Variants in SMCO4 observed in about 807,000 individuals in gnomAD.
The protein encoded by SMCO4 is single-pass membrane protein with coiled-coil domains 4, also known as single-pass membrane and coiled-coil domain-containing protein 4.
SMCO4 carries 4 observed loss-of-function variants against 3.6 expected under a neutral mutation model. The observed-to-expected ratio is 1.11, with a 90% confidence interval of 0.54 to 2.53. The LOEUF (loss-of-function observed/expected upper bound fraction) is 2.53. Among genes scored for constraint, SMCO4 ranks in the 30% most tolerant of loss-of-function variants. SMCO4 has a pLI of 0.02. For missense variants in SMCO4, 70 were observed against 80.8 expected (o/e 0.87, Z 0.51); for synonymous variants, 36 against 35.3 (o/e 1.02, Z -0.07).
rs115231142 is a variant in SMCO4 at position 93,483,273 on chromosome 11, C to T, written c.-80-4004G>A. Among the ~76,000 whole-genome samples the T allele has an allele frequency of 6.5e-3, 983 of 152,280 alleles. 11 individuals carry two copies. The highest frequency in any genetic ancestry group is 0.022 in the African/African-American group (900 of 41,556). On this transcript the variant is annotated intron_variant, in intron 2 of 2. Coordinates refer to ENST00000298966, the MANE Select transcript of SMCO4 (RefSeq NM_020179.3). ...GGAAAGGCCACCACAGAGCACTGTC[C>T]ATGCCCGCCTCCCTCTGGGCTAAGG...
intron 2 of SMCO4, among the ~76,000 whole-genome samples, chr11:93,487,273 A>G (rs1028390585): frequency 2.0e-5 from 3 of 152,146 alleles, no homozygotes; most frequent in Admixed American, 6.5e-5. Flanking sequence ...ATTGTGCAAG[A>G]TGGGACTCCG....
At chr11:93,525,976 A>G (rs546647678) in intron 1 of SMCO4, among the ~76,000 whole-genome samples, 6 of 152,342 alleles carry the variant, frequency 3.9e-5, no homozygotes, top group Admixed American at 3.9e-4. Flanking sequence ...AGTCCTGCCA[A>G]CAGTTTATCC....
chr11:93,534,646 T>C (rs1042983921), intron 1 of SMCO4, among the ~76,000 whole-genome samples: 2 of 152,192 alleles, frequency 1.3e-5, no homozygotes, highest in Non-Finnish European at 2.9e-5. Context: ...GGCTCAACTC[T>C]GCAGTCCCTT....
intron 2 of SMCO4, among the ~76,000 whole-genome samples, chr11:93,498,024 C>T (rs1948794954): frequency 6.6e-6 from 1 of 152,170 alleles, no homozygotes; most frequent in African/African-American, 2.4e-5. Context: ...TTTGCACACA[C>T]TTGCGAAGTC....
rs191161276 is a variant in SMCO4, at chr11:93,509,049, G to C, written c.-153-9701C>G. 8.0e-3 allele frequency among the ~76,000 whole-genome samples: 1,225 copies of C among 152,242 alleles called. 71 individuals are homozygous for C. The highest frequency in any genetic ancestry group is 0.076 in the Admixed American group (1,164 of 15,288). ...CCATGCCTGTAATCCCAACACTCTG[G>C]GAGGCGGAGGTAGGCAATTTACTTC... On this transcript the variant is annotated intron_variant, in intron 1 of 2. Coordinates refer to ENST00000298966, the MANE Select transcript of SMCO4 (RefSeq NM_020179.3).
rs543713021 is a variant in SMCO4 at position 93,529,591 on chromosome 11, T to C, written c.-154+13685A>G. 3.3e-5 allele frequency among the ~76,000 whole-genome samples: 5 copies of C among 152,124 alleles called. No individual in the cohort carries two copies. The East Asian group carries it at 9.7e-4, about 30-fold the overall frequency. On this transcript the variant is annotated intron_variant, in intron 1 of 2. Transcript: ENST00000298966. The stretch of plus-strand genomic sequence containing the variant: ...GAGAGAGTCTGAAATCAGGCCCCCA[T>C]ATAGCCCACTTCCCCCGAGCCCTCA...
intron 1 of SMCO4, among the ~76,000 whole-genome samples, chr11:93,505,116 G>A (rs907844384): frequency 7.9e-5 from 12 of 152,212 alleles, no homozygotes; most frequent in African/African-American, 2.7e-4. Flanking sequence ...GATGCAGCTG[G>A]GCAAATGGAC....
intron 1 of SMCO4, among the ~76,000 whole-genome samples, chr11:93,514,407 T>TAC (rs1565383064): frequency 3.7e-5 from 1 of 26,784 alleles, no homozygotes; most frequent in Non-Finnish European, 1.0e-4. Flanking sequence ...TATATATATA[T>TAC]ATATATATAT....
chr11:93,518,198 A>G (rs1221994373), intron 1 of SMCO4, among the ~76,000 whole-genome samples: 1 of 152,216 alleles, frequency 6.6e-6, no homozygotes, highest in Non-Finnish European at 1.5e-5. Context: ...GGAATCATAT[A>G]ATATGTGGCC....
chr11:93,480,162 C>T (rs1234703186), intron 2 of SMCO4, among the ~76,000 whole-genome samples: 4 of 152,190 alleles, frequency 2.6e-5, no homozygotes, highest in African/African-American at 9.7e-5. Context: ...ATCGAGTTTA[C>T]TTAAAGGCCT....
intron 2 of SMCO4, among the ~76,000 whole-genome samples, chr11:93,482,210 A>C (rs923352819): frequency 1.3e-5 from 2 of 152,178 alleles, no homozygotes; most frequent in African/African-American, 4.8e-5. Flanking sequence ...AGCATCTCTG[A>C]GATAACGACT....
intron 1 of SMCO4, among the ~76,000 whole-genome samples, chr11:93,521,937 C>T (rs532013910): frequency 6.6e-6 from 1 of 152,292 alleles, no homozygotes; most frequent in Admixed American, 6.5e-5. Context: ...GGGAGGGATG[C>T]ACCTACACAC....
chr11:93,484,146 C>A (rs1038187073), intron 2 of SMCO4, among the ~76,000 whole-genome samples: 1 of 152,214 alleles, frequency 6.6e-6, no homozygotes, highest in African/African-American at 2.4e-5. Context: ...CCCACGGCAA[C>A]CGGTCAGCAT....
intron 1 of SMCO4, among the ~76,000 whole-genome samples, chr11:93,506,440 CTT>C (rs35870051): frequency 1.1e-4 from 15 of 139,718 alleles, no homozygotes; most frequent in African/African-American, 1.0e-4. Flanking sequence ...ACACACACAG[CTT>C]TTTTTTTTTT....
chr11:93,552,219 C>G, the SMCO4 span, among the ~76,000 whole-genome samples: 11 of 141,590 alleles, frequency 7.8e-5, no homozygotes, highest in Non-Finnish European at 1.7e-4. Context: ...TGCAGTGGCA[C>G]AATCTCGGCT....
At chr11:93,498,809 G>A (rs1379289334) in intron 2 of SMCO4, among the ~76,000 whole-genome samples, 1 of 152,198 alleles carries the variant, frequency 6.6e-6, no homozygotes, top group Non-Finnish European at 1.5e-5. Context: ...CTTGTGGAGA[G>A]GCTCCTTCAT....
At chr11:93,536,241 T>C (rs1949223319) in intron 1 of SMCO4, among the ~76,000 whole-genome samples, 1 of 152,348 alleles carries the variant, frequency 6.6e-6, no homozygotes, top group South Asian at 2.1e-4. Flanking sequence ...CAACAGGAAC[T>C]AGCACATCTC....
chr11:93,551,668 G>T, the SMCO4 span, among the ~76,000 whole-genome samples: 1 of 152,194 alleles, frequency 6.6e-6, no homozygotes, highest in East Asian at 1.9e-4. Context: ...CTGGAGAGCG[G>T]ATGGCTCTAT....
chr11:93,528,686 A>AC (rs1466636312), intron 1 of SMCO4, among the ~76,000 whole-genome samples: 4 of 151,994 alleles, frequency 2.6e-5, no homozygotes, highest in Non-Finnish European at 5.9e-5. Context: ...GTGAAGGGAG[A>AC]CCCCCATGCC....
Sources: gnomAD v4.1 joint callset for allele counts (sites outside exome capture counted in the v4.1 genomes callset) on GRCh38, gnomAD v4.1.1 for gene constraint, MANE v1.5 for transcripts, NCBI Gene and HGNC (gene_info 2026-07-23, HGNC 2026-07-21) for gene names.